The following NRG3 variants were observed in gnomAD, a reference collection of about 807,000 sequenced individuals.
NRG3 encodes neuregulin 3, also known as pro-neuregulin-3, membrane-bound isoform.
Under a neutral mutation model 66.9 loss-of-function variants are expected in NRG3, and 31 were observed. The ratio of observed to expected loss-of-function variants is 0.46; its 90% CI spans 0.35 to 0.63. The LOEUF (loss-of-function observed/expected upper bound fraction) is 0.63. NRG3 is among the 20% of genes least tolerant of loss of function. The pLI is 0.00. For missense variants in NRG3, 910 were observed against 878.9 expected, an observed-to-expected ratio of 1.04 and a Z score of -0.45; for synonymous variants, 393 against 359.4, an observed-to-expected ratio of 1.09 and a Z score of -1.06.
chr10:82,143,816 G>C (rs1363018858), intron 1 of NRG3, among the ~76,000 whole-genome samples: 1 of 152,146 alleles, frequency 6.6e-6, no homozygotes, highest in African/African-American at 2.4e-5. Flanking sequence ...GATTGTTTCA[G>C]CCCAAGAATT....
intron 3 of NRG3, among the ~76,000 whole-genome samples, chr10:82,850,295 A>G (rs342388): frequency 0.34 from 51,866 of 151,954 alleles, 9,178 homozygotes; most frequent in African/African-American, 0.45. Flanking sequence ...GAGGTTATCA[A>G]CCATTACAAG....
chr10:82,257,025 A>G (rs535497679), intron 1 of NRG3, among the ~76,000 whole-genome samples: 125 of 152,330 alleles, frequency 8.2e-4, no homozygotes, highest in Middle Eastern at 6.8e-3. Context: ...ACTACTTCTC[A>G]TGCCATTTGC....
At chr10:82,431,864 G>A (rs1192586032) in intron 2 of NRG3, among the ~76,000 whole-genome samples, 1 of 152,078 alleles carries the variant, frequency 6.6e-6, no homozygotes, top group Non-Finnish European at 1.5e-5. Context: ...CAACTTGAGT[G>A]ATTTTACATA....
intron 1 of NRG3, among the ~76,000 whole-genome samples, chr10:82,080,401 T>C (rs1423216622): frequency 6.6e-6 from 1 of 152,298 alleles, no homozygotes; most frequent in East Asian, 1.9e-4. Context: ...GGTATGAATC[T>C]ATATTATTAT....
chr10:82,936,675 T>A (rs1269598009), intron 4 of NRG3, among the ~76,000 whole-genome samples: 1 of 152,160 alleles, frequency 6.6e-6, no homozygotes, highest in Non-Finnish European at 1.5e-5. Flanking sequence ...ATTTAACCAT[T>A]CCACAATGTA....
chr10:82,313,103 T>C (rs2081117531), intron 1 of NRG3, among the ~76,000 whole-genome samples: 1 of 152,056 alleles, frequency 6.6e-6, no homozygotes, highest in Admixed American at 6.5e-5. Context: ...CCTTGAGCTA[T>C]AGAGGCAGAG....
intron 1 of NRG3, among the ~76,000 whole-genome samples, chr10:82,217,372 T>C (rs1333247006): frequency 6.6e-6 from 1 of 152,164 alleles, no homozygotes; most frequent in Non-Finnish European, 1.5e-5. Flanking sequence ...CCTACAACAT[T>C]AGGACCACGT....
intron 4 of NRG3, among the ~76,000 whole-genome samples, chr10:82,901,550 C>T (rs1844224702): frequency 1.3e-5 from 2 of 152,184 alleles, no homozygotes; most frequent in South Asian, 2.1e-4. Context: ...GAACCTTTCA[C>T]CTCCACTCCC....
chr10:81,923,261 G>T (rs1030094814), intron 1 of NRG3, among the ~76,000 whole-genome samples: 2 of 149,934 alleles, frequency 1.3e-5, no homozygotes, highest in Non-Finnish European at 2.9e-5. Context: ...TTTGGAATGC[G>T]GTGGCGCGAT....
intron 1 of NRG3, among the ~76,000 whole-genome samples, chr10:82,083,440 A>C (rs1050802515): frequency 1.3e-5 from 2 of 152,114 alleles, no homozygotes; most frequent in African/African-American, 4.8e-5. Context: ...CAGATGGCTC[A>C]TACCTGGGGA....
intron 2 of NRG3, among the ~76,000 whole-genome samples, chr10:82,595,603 G>A (rs540314043): frequency 6.6e-6 from 1 of 152,158 alleles, no homozygotes; most frequent in South Asian, 2.1e-4. Flanking sequence ...GGCCAACATG[G>A]TGAAACTCTG....
At chr10:82,660,281 A>G (rs978861709) in intron 2 of NRG3, among the ~76,000 whole-genome samples, 3 of 149,424 alleles carry the variant, frequency 2.0e-5, no homozygotes, top group Admixed American at 1.3e-4. Context: ...GATAAAATAA[A>G]TTGCCCAGCT....
In NRG3 at chr10:82,126,026, C is replaced by T. The variant is rs77272811; in HGVS notation, c.824-232713C>T. Reference sequence around the variant, plus strand: ...ATGAAATTTATTTTACAAACAAGGACGCTTAAGAGTGAAGGGAGCAACTAC... The same window carrying T: ...ATGAAATTTATTTTACAAACAAGGATGCTTAAGAGTGAAGGGAGCAACTAC... On this transcript the variant is annotated intron_variant, in intron 1 of 8. Transcript: ENST00000372141. Among the ~76,000 whole-genome samples, 1,151 of 152,048 alleles carry T rather than the reference C, an allele frequency of 7.6e-3. 21 individuals are homozygous for T. The highest frequency in any genetic ancestry group is 0.026 in the African/African-American group (1,083 of 41,500).
In NRG3 at chr10:82,128,524, C is replaced by G. The variant is rs566492427; in HGVS notation, c.824-230215C>G. ...AGGTTAGATTATGATAAGGAAATGCCTTTTGCATTTGTTGTGGAATGAATA... is the reference window on the plus strand; with the variant it reads ...AGGTTAGATTATGATAAGGAAATGCGTTTTGCATTTGTTGTGGAATGAATA... On this transcript the variant is annotated intron_variant, in intron 1 of 8. Coordinates refer to ENST00000372141, the MANE Select transcript of NRG3 (RefSeq NM_001010848.4). Among the ~76,000 whole-genome samples the G allele has an allele frequency of 6.6e-4, 100 of 151,956 alleles. 1 individual carries two copies. Among genetic ancestry groups the G allele is most frequent in the Non-Finnish European group, 1.1e-3 (78 of 67,932 alleles).
At chr10:82,507,748 T>A (rs1844817498) in intron 2 of NRG3, among the ~76,000 whole-genome samples, 1 of 152,204 alleles carries the variant, frequency 6.6e-6, no homozygotes, top group South Asian at 2.1e-4. Flanking sequence ...TCTAGAAACA[T>A]GCCTGTTTCT....
chr10:82,936,246 G>A (rs1848055100), intron 4 of NRG3, among the ~76,000 whole-genome samples: 1 of 152,188 alleles, frequency 6.6e-6, no homozygotes, highest in Non-Finnish European at 1.5e-5. Flanking sequence ...ATTCTTAGGT[G>A]AAGTAAGAGA....
intron 1 of NRG3, among the ~76,000 whole-genome samples, chr10:82,290,686 G>A (rs919921402): frequency 6.6e-6 from 1 of 151,390 alleles, no homozygotes; most frequent in African/African-American, 2.4e-5. Flanking sequence ...CCAGGCTAGA[G>A]TGCAGTGGCG....
At chr10:82,670,424 T>G (rs1262786134) in intron 2 of NRG3, among the ~76,000 whole-genome samples, 2 of 152,202 alleles carry the variant, frequency 1.3e-5, no homozygotes, top group Non-Finnish European at 2.9e-5. Flanking sequence ...TAATACTTGT[T>G]AATGAGCTCA....
intron 3 of NRG3, among the ~76,000 whole-genome samples, chr10:82,761,794 TA>T (rs1472978600): frequency 6.6e-6 from 1 of 151,684 alleles, no homozygotes; most frequent in African/African-American, 2.4e-5. Flanking sequence ...ATTTTCAAAA[TA>T]AAAAAATTAA....
Sources: allele counts gnomAD v4.1 joint callset (sites outside exome capture counted in the v4.1 genomes callset), GRCh38; gene constraint gnomAD v4.1.1; transcripts MANE v1.5; gene names NCBI Gene and HGNC (gene_info 2026-07-23, HGNC 2026-07-21).